The following DRICH1 variants were observed in gnomAD, a reference collection of about 807,000 sequenced individuals.
DRICH1 encodes aspartate rich 1.
In DRICH1, 38 loss-of-function variants were observed where a neutral mutation model predicts 39.5. That is an observed-to-expected ratio of 0.96 (90% CI 0.74 to 1.26). DRICH1 has a LOEUF of 1.26. Among genes scored for constraint, DRICH1 ranks in the 50% most tolerant of loss-of-function variants. The probability of loss-of-function intolerance (pLI) is 0.00; values close to 1 mark genes in which losing one functional copy is unlikely to be tolerated. For missense variants in DRICH1, 279 were observed against 270.4 expected, an observed-to-expected ratio of 1.03 and a Z score of -0.22; for synonymous variants, 84 against 99.5, an observed-to-expected ratio of 0.84 and a Z score of 0.93.
chr22:23,632,456 T>C (rs538499338), upstream of DRICH1: 23 of 233,454 alleles, frequency 9.9e-5, no homozygotes, highest in East Asian at 7.7e-4. Context: ...TCATAATGCC[T>C]GTCCCTGCTG....
At chr22:23,611,789 G>A (rs1273909139) in intron 11 of DRICH1, among the ~76,000 whole-genome samples, 2 of 152,126 alleles carry the variant, frequency 1.3e-5, no homozygotes, top group South Asian at 2.1e-4. Context: ...GAAGGTCGGC[G>A]CAGTGCATTA....
chr22:23,622,231 C>T (rs1479076849), intron 3 of DRICH1, 55 bp from the exon 4 acceptor site: 1 of 1,520,972 alleles, frequency 6.6e-7, no homozygotes, highest in Non-Finnish European at 9.1e-7. Context: ...CTGTGAGTCA[C>T]TCAGGGAGCT....
chr22:23,602,622 T>C, the DRICH1 span, among the ~76,000 whole-genome samples: 1 of 150,580 alleles, frequency 6.6e-6, no homozygotes, highest in Non-Finnish European at 1.5e-5. Flanking sequence ...GTGGCGGAGG[T>C]TGCAGTGAGC....
chr22:23,605,231 G>A (rs111766426), downstream of DRICH1, among the ~76,000 whole-genome samples: 834 of 152,216 alleles, frequency 5.5e-3, 6 homozygotes, highest in African/African-American at 0.018. Flanking sequence ...AGTGCTTTGG[G>A]GACCTCCCAC....
intron 3 of DRICH1, chr22:23,624,285 G>A: frequency 1.0e-6 from 1 of 985,218 alleles, no homozygotes; most frequent in Non-Finnish European, 1.2e-6. Flanking sequence ...TTTTGCAGTG[G>A]CACAGGCAGA....
intron 3 of DRICH1, among the ~76,000 whole-genome samples, chr22:23,624,590 C>G (rs190093189): frequency 6.6e-6 from 1 of 152,256 alleles, no homozygotes; most frequent in Admixed American, 6.5e-5. Flanking sequence ...CTAAAGTTCT[C>G]CAGAATCCAC....
At chr22:23,619,417 T>C in intron 5 of DRICH1, 24 bp from the exon 6 acceptor site, 2 of 779,772 alleles carry the variant, frequency 2.6e-6, no homozygotes, top group South Asian at 1.3e-5. Flanking sequence ...GAAAAGTTAA[T>C]CTAAGACTTT....
chr22:23,632,385 G>A, upstream of DRICH1: 1 of 300,734 alleles, frequency 3.3e-6, no homozygotes, highest in Non-Finnish European at 6.4e-6. Context: ...CTGGTTACCA[G>A]GAAACAGCCA....
downstream of DRICH1, among the ~76,000 whole-genome samples, chr22:23,603,696 C>A (rs1389002382): frequency 6.6e-6 from 1 of 152,094 alleles, no homozygotes; most frequent in Non-Finnish European, 1.5e-5. Context: ...GTACTGGCAT[C>A]CCCCCACTGC....
chr22:23,608,887 G>T (rs1177735711), intron 11 of DRICH1, 119 bp from the exon 12 acceptor site: 1 of 1,094,892 alleles, frequency 9.1e-7, no homozygotes. Context: ...CTGCAGTCCA[G>T]GCTGAGGAGA....
At chr22:23,589,730 GCTGA>G in the DRICH1 span, among the ~76,000 whole-genome samples, 1 of 152,096 alleles carries the variant, frequency 6.6e-6, no homozygotes, top group Non-Finnish European at 1.5e-5. Context: ...CGCAGCTGGT[GCTGA>G]CTGTTTCTAC....
intron 6 of DRICH1, 53 bp from the exon 7 acceptor site, chr22:23,617,710 C>T: frequency 6.4e-7 from 1 of 1,567,964 alleles, no homozygotes; most frequent in Non-Finnish European, 8.8e-7. Context: ...GACTGTGAGT[C>T]ACTCAGGGAG....
At chr22:23,589,115 C>A in the DRICH1 span, among the ~76,000 whole-genome samples, 1 of 151,516 alleles carries the variant, frequency 6.6e-6, no homozygotes, top group Non-Finnish European at 1.5e-5. Context: ...CACACACACA[C>A]ACACACACAC....
At chr22:23,587,514 A>C in the DRICH1 span, among the ~76,000 whole-genome samples, 43,654 of 152,088 alleles carry the variant, frequency 0.29, 6,610 homozygotes, top group Middle Eastern at 0.38. Context: ...AGGACCAGGG[A>C]CGGGGCCTGA....
At chr22:23,613,584 C>T (rs905878474) in intron 10 of DRICH1, 55 bp downstream of exon 10, 9 of 1,407,220 alleles carry the variant, frequency 6.4e-6, no homozygotes, top group Middle Eastern at 1.8e-4. Context: ...GGTTTCTATA[C>T]ACTGAAGCTA....
chr22:23,623,126 TG>T (rs1927864222), intron 3 of DRICH1, among the ~76,000 whole-genome samples: 1 of 152,204 alleles, frequency 6.6e-6, no homozygotes, highest in African/African-American at 2.4e-5. Context: ...CAAATTTGGC[TG>T]GGCATGGTGG....
At chr22:23,621,309 C>T (rs1471276188) in intron 4 of DRICH1, among the ~76,000 whole-genome samples, 1 of 151,982 alleles carries the variant, frequency 6.6e-6, no homozygotes, top group African/African-American at 2.4e-5. Flanking sequence ...TTTGTCTGTT[C>T]TTATCAGCCT....
At chr22:23,595,946 G>A in the DRICH1 span, among the ~76,000 whole-genome samples, 1 of 152,204 alleles carries the variant, frequency 6.6e-6, no homozygotes, top group Non-Finnish European at 1.5e-5. Flanking sequence ...CAGGGGACTG[G>A]AAAACACATC....
chr22:23,618,948 G>A (rs1169792056), intron 6 of DRICH1, among the ~76,000 whole-genome samples: 1 of 151,864 alleles, frequency 6.6e-6, no homozygotes, highest in African/African-American at 2.4e-5. Flanking sequence ...CCGAGGTGGG[G>A]GGATCACGAG....
Sources: gnomAD v4.1 joint callset for allele counts (sites outside exome capture counted in the v4.1 genomes callset) on GRCh38, gnomAD v4.1.1 for gene constraint, MANE v1.5 for transcripts, NCBI Gene and HGNC (gene_info 2026-07-23, HGNC 2026-07-21) for gene names.